Variants in FGF1 observed in about 807,000 individuals in gnomAD.
The protein encoded by FGF1 is beta-endothelial cell growth factor.
A neutral mutation model predicts 13.4 loss-of-function variants in FGF1; 9 were observed. The ratio of observed to expected loss-of-function variants is 0.67; its 90% confidence interval spans 0.40 to 1.17. FGF1 has a LOEUF of 1.17. FGF1 is among the 50% of genes most tolerant of loss of function. The pLI is 0.01. For synonymous variants in FGF1, 93 were observed against 79.0 expected (o/e 1.18, Z -0.94); for missense variants, 156 against 192.7 (o/e 0.81, Z 1.13).
chr5:142,619,573 G>A (rs1761054630), intron 1 of FGF1, among the ~76,000 whole-genome samples: 1 of 152,208 alleles, frequency 6.6e-6, no homozygotes, highest in Non-Finnish European at 1.5e-5. Flanking sequence ...TTTAGTCCAA[G>A]CGGCAACTGG....
At chr5:142,683,690 G>A (rs531052814) in intron 1 of FGF1, among the ~76,000 whole-genome samples, 3 of 151,708 alleles carry the variant, frequency 2.0e-5, no homozygotes, top group East Asian at 1.9e-4. Flanking sequence ...GCATGGTGCC[G>A]CACACCTGTA....
intron 1 of FGF1, among the ~76,000 whole-genome samples, chr5:142,631,585 G>T (rs1763375485): frequency 6.6e-6 from 1 of 152,072 alleles, no homozygotes; most frequent in Non-Finnish European, 1.5e-5. Context: ...CCATGCTATT[G>T]TTTTTATATT....
intron 1 of FGF1, among the ~76,000 whole-genome samples, chr5:142,623,892 G>A (rs1762047731): frequency 6.6e-6 from 1 of 152,002 alleles, no homozygotes; most frequent in South Asian, 2.1e-4. Flanking sequence ...GAGACTACAG[G>A]CATAGGCCAC....
intron 1 of FGF1, among the ~76,000 whole-genome samples, chr5:142,618,921 G>GTTTTTTTATTTTTTT (rs1343286807): frequency 9.2e-6 from 1 of 108,358 alleles, no homozygotes; most frequent in African/African-American, 3.3e-5. Context: ...TTATTTTTTA[G>GTTTTTTTATTTTTTT]TTGTTTTGTT....
chr5:142,656,338 T>C (rs1302851911), intron 1 of FGF1, among the ~76,000 whole-genome samples: 4 of 147,196 alleles, frequency 2.7e-5, no homozygotes, highest in Non-Finnish European at 4.4e-5. Flanking sequence ...ACCCACAATA[T>C]CTTGATTAAA....
At chr5:142,651,071 C>G (rs1402682887) in intron 1 of FGF1, among the ~76,000 whole-genome samples, 1 of 152,118 alleles carries the variant, frequency 6.6e-6, no homozygotes, top group Admixed American at 6.5e-5. Context: ...TGCTTTTGCT[C>G]AGAGAGAGGT....
chr5:142,654,122 CT>C (rs1409644650), intron 1 of FGF1, among the ~76,000 whole-genome samples: 2 of 152,276 alleles, frequency 1.3e-5, no homozygotes, highest in East Asian at 3.9e-4. Flanking sequence ...GTATGTAATT[CT>C]AACATCTCAT....
upstream of FGF1, among the ~76,000 whole-genome samples, chr5:142,689,694 GTT>G (rs5871823): frequency 0.24 from 27,605 of 115,200 alleles, 2,858 homozygotes; most frequent in African/African-American, 0.34. Context: ...CTCGATCCTA[GTT>G]TTTTTTTTTT....
chr5:142,651,963 T>C (rs529076829), intron 1 of FGF1, among the ~76,000 whole-genome samples: 2 of 152,116 alleles, frequency 1.3e-5, no homozygotes, highest in Admixed American at 1.3e-4. Context: ...ACGATAAACA[T>C]GAACGTTTAT....
intron 1 of FGF1, among the ~76,000 whole-genome samples, chr5:142,626,196 G>A (rs1762426168): frequency 6.6e-6 from 1 of 152,122 alleles, no homozygotes; most frequent in African/African-American, 2.4e-5. Context: ...GAAATGAATA[G>A]AATAGTATTC....
chr5:142,659,137 G>C (rs1768706681), intron 1 of FGF1, among the ~76,000 whole-genome samples: 1 of 151,576 alleles, frequency 6.6e-6, no homozygotes, highest in Admixed American at 6.6e-5. Flanking sequence ...CCTTGTTATA[G>C]TGAAACAGGC....
chr5:142,648,689 CAAAAAAAAAAA>C lies in FGF1; in HGVS notation c.-34-34539_-34-34529del, dbSNP rs11451715. On this transcript the variant is annotated intron_variant, in intron 1 of 3. Transcript: ENST00000337706. ...AAAAAGTGATTTGTCCCCCACCAAC[CAAAAAAAAAAA>C]AAAAAAAAAAAAAGAACAAGTGTCT... Among the ~76,000 whole-genome samples, 124 of 66,232 alleles carry C rather than the reference CAAAAAAAAAAA, an allele frequency of 1.9e-3. No homozygotes were observed. The Middle Eastern group carries it at 0.058, about 31-fold the overall frequency. The allele number at this position is 66,232 out of a possible 152,430, so 43.5% of individuals were successfully genotyped here. A position where few individuals can be genotyped will look rare whatever the true frequency, so the allele number is the denominator to read the frequency against.
chr5:142,592,450 C>T lies in FGF1; in HGVS notation c.*2840G>A, dbSNP rs932922123. ...TTGTGAATCTTTCTTATCATGCCTT[C>T]CAAGGAAACCAATACCTACCTCCAC... is the stretch of plus-strand genomic sequence containing the variant. On this transcript the variant is annotated 3_prime_UTR_variant, in exon 4 of 4. Transcript: ENST00000337706. 2.8e-5 allele frequency: 11 copies of T among 398,420 alleles called. No homozygotes were observed. The highest frequency in any genetic ancestry group is 2.1e-4 in the African/African-American group (10 of 48,618). The allele number at this position is 398,420 out of a possible 1,614,324, so 24.7% of individuals were successfully genotyped here. A position where few individuals can be genotyped will look rare whatever the true frequency, so the allele number is the denominator to read the frequency against.
intron 1 of FGF1, among the ~76,000 whole-genome samples, chr5:142,638,732 G>A (rs1764687697): frequency 6.6e-6 from 1 of 152,040 alleles, no homozygotes; most frequent in South Asian, 2.1e-4. Flanking sequence ...AAAACAGAGT[G>A]AAGAGAAAAC....
intron 1 of FGF1, among the ~76,000 whole-genome samples, chr5:142,638,334 G>T (rs1428836280): frequency 6.6e-6 from 1 of 151,896 alleles, no homozygotes; most frequent in Non-Finnish European, 1.5e-5. Context: ...CACCTGCTAC[G>T]ACCCCCAGGA....
rs1554082564 is a variant in FGF1, at chr5:142,629,877, TTA to T, written c.-34-15718_-34-15717del. On this transcript the variant is annotated intron_variant, in intron 1 of 3. Coordinates refer to ENST00000337706, the MANE Select transcript of FGF1 (RefSeq NM_000800.5). The stretch of plus-strand genomic sequence containing the variant: ...ATATGATATTATATATACATATATA[TTA>T]TATATATATATATATATTTTTTTTT... Among the ~76,000 whole-genome samples, 160 of 137,546 alleles carry T rather than the reference TTA, an allele frequency of 1.2e-3. 2 individuals carry two copies. Among genetic ancestry groups the T allele is most frequent in the Middle Eastern group, 3.7e-3 (1 of 268 alleles). 90.2% of individuals were successfully genotyped at this position (137,546 alleles called of 152,430 possible). A position where few individuals can be genotyped will look rare whatever the true frequency, so the allele number is the denominator to read the frequency against.
At chr5:142,603,398 A>C (rs1757001915) in intron 2 of FGF1, among the ~76,000 whole-genome samples, 9 of 148,292 alleles carry the variant, frequency 6.1e-5, no homozygotes, top group South Asian at 2.2e-4. Context: ...TGCCAATACC[A>C]CCCTCCCCCA....
chr5:142,661,429 C>G (rs796407300), intron 1 of FGF1, among the ~76,000 whole-genome samples: 10 of 152,292 alleles, frequency 6.6e-5, no homozygotes, highest in African/African-American at 2.2e-4. Context: ...GGAAAACAGT[C>G]CCTCAAGTAA....
chr5:142,615,006 T>C (rs1002346101), intron 1 of FGF1, among the ~76,000 whole-genome samples: 3 of 152,176 alleles, frequency 2.0e-5, no homozygotes, highest in Admixed American at 2.0e-4. Context: ...ATAATATACC[T>C]TTAACATTAT....
Sources: allele counts gnomAD v4.1 joint callset (sites outside exome capture counted in the v4.1 genomes callset), GRCh38; gene constraint gnomAD v4.1.1; transcripts MANE v1.5; gene names NCBI Gene and HGNC (gene_info 2026-07-23, HGNC 2026-07-21).